PKHD1L1: variants seen among roughly 807,000 people sequenced by gnomAD.
PKHD1L1 encodes the protein PKHD1 like 1, also known as fibrocystin-L.
In PKHD1L1, 434 loss-of-function variants were observed where a neutral mutation model predicts 462.9. That is an observed-to-expected ratio of 0.94 (90% CI 0.87 to 1.02). PKHD1L1 has a LOEUF of 1.02. PKHD1L1 is among the 50% of genes least tolerant of loss of function. The probability of loss-of-function intolerance (pLI) is 0.00; values close to 1 mark genes in which losing one functional copy is unlikely to be tolerated. For missense variants in PKHD1L1, 5,202 were observed against 5,096.1 expected, an observed-to-expected ratio of 1.02 and a Z score of -0.63; for synonymous variants, 1,781 against 1,750.0, an observed-to-expected ratio of 1.02 and a Z score of -0.44.
intron 53 of PKHD1L1, 96 bp downstream of exon 53, chr8:109,477,492 G>A (rs1196381841): frequency 1.8e-5 from 21 of 1,166,404 alleles, no homozygotes; most frequent in Non-Finnish European, 2.3e-5. Flanking sequence ...CTTTACTCTT[G>A]CACAATGTCT....
chr8:109,478,371 C>T (rs950578806), intron 53 of PKHD1L1, among the ~76,000 whole-genome samples: 2 of 151,850 alleles, frequency 1.3e-5, no homozygotes, highest in African/African-American at 4.8e-5. Context: ...AAAGAGATGA[C>T]AAAACAAGCA....
chr8:109,525,179 C>A (rs567910412), intron 76 of PKHD1L1, among the ~76,000 whole-genome samples: 2 of 152,126 alleles, frequency 1.3e-5, no homozygotes, highest in Non-Finnish European at 2.9e-5. Context: ...CACAGCACCC[C>A]TCTTCTACAT....
At chr8:109,483,635 T>C (rs1818382845) in intron 57 of PKHD1L1, among the ~76,000 whole-genome samples, 1 of 150,472 alleles carries the variant, frequency 6.6e-6, no homozygotes, top group Non-Finnish European at 1.5e-5. Context: ...ATATTAGTCA[T>C]ATTTTATGCC....
chr8:109,433,422 G>T (rs1398126531), intron 28 of PKHD1L1, among the ~76,000 whole-genome samples: 2 of 152,084 alleles, frequency 1.3e-5, no homozygotes, highest in African/African-American at 4.8e-5. Flanking sequence ...TTTCATTGTT[G>T]TACGGTGTCT....
chr8:109,445,630 A>T lies in PKHD1L1; in HGVS notation c.5761A>T (p.Ile1921Phe). 1.2e-6 allele frequency: 2 copies of T among 1,606,940 alleles called. No individual in the cohort carries two copies. Among genetic ancestry groups the T allele is most frequent in the Non-Finnish European group, 1.7e-6 (2 of 1,174,968 alleles). The change falls in exon 38 of 78, where the codon ATT (isoleucine) becomes TTT (phenylalanine). Residue 1921 changes from isoleucine to phenylalanine, a missense_variant. Ile to Phe is a conservative substitution (Grantham distance 21, BLOSUM62 0). Transcript: ENST00000378402. ...ALEDTPFLRG[I>F]IPSRGPPGTE... ...GGAGGATACTCCATTTCTCAGAGGA[A>T]TTATCCCAAGCAGAGGTACTCCAAT...
intron 19 of PKHD1L1, 52 bp downstream of exon 19, chr8:109,410,030 T>A: frequency 1.0e-6 from 1 of 990,856 alleles, no homozygotes; most frequent in South Asian, 1.8e-5. Flanking sequence ...ATTTATATAA[T>A]GGTTTTAAAT....
intron 16 of PKHD1L1, among the ~76,000 whole-genome samples, chr8:109,405,340 T>C (rs1813480443): frequency 1.3e-5 from 2 of 152,176 alleles, no homozygotes; most frequent in Non-Finnish European, 2.9e-5. Flanking sequence ...TATACCATCA[T>C]TTTCTAATAA....
In PKHD1L1 at chr8:109,518,214, T is replaced by G. The variant is rs1224615924; in HGVS notation, c.11737T>G (p.Phe3913Val). The G allele has an allele frequency of 6.2e-7, 1 of 1,610,164 alleles. No homozygotes were observed. Among genetic ancestry groups the G allele is most frequent in the Middle Eastern group, 1.7e-4 (1 of 6,040 alleles). Residue 3913 changes from phenylalanine to valine, a missense_variant, in exon 73 of 78, where the codon TTT becomes GTT. Phe to Val is a conservative substitution (Grantham distance 50). Transcript: ENST00000378402. Reference sequence around the variant, plus strand: ...TTCCACTGTCCTTGGTGAAAACTACTTTGATGGAACCTACCAGATGCTTTA... The same window carrying G: ...TTCCACTGTCCTTGGTGAAAACTACGTTGATGGAACCTACCAGATGCTTTA... ...LDSTVLGENY[F>V]DGTYQMLYLL...
chr8:109,470,513 G>C (rs1817663663), intron 50 of PKHD1L1: 2 of 1,610,784 alleles, frequency 1.2e-6, no homozygotes, highest in Admixed American at 3.3e-5. Flanking sequence ...GGAAAAGAAA[G>C]GGAAAAGAAG....
intron 50 of PKHD1L1, chr8:109,470,607 A>C (rs1817667531): frequency 8.2e-6 from 13 of 1,579,486 alleles, no homozygotes; most frequent in Non-Finnish European, 1.0e-5. Context: ...TTGATAAATT[A>C]AATGACTTGA....
chr8:109,491,953 A>G lies in PKHD1L1; in HGVS notation c.10195A>G (p.Arg3399Gly), dbSNP rs888196191. ...LSVWPGTYQN[R>G]KDLSSTLWHA... is the part of the protein sequence containing the mutation. ...GGTTTGGCCAGGAACCTATCAGAAC[A>G]GAAAAGATTTAAGTTCAACTCTCTG... Residue 3399 changes from arginine to glycine, a missense_variant, in exon 62 of 78, where the codon AGA becomes GGA. By Grantham distance (125) the Arg-to-Gly change is moderately radical. Transcript: ENST00000378402. 1 of 1,591,100 alleles carries G rather than the reference A, an allele frequency of 6.3e-7. No homozygotes were observed. The highest frequency in any genetic ancestry group is 8.6e-7 in the Non-Finnish European group (1 of 1,165,928).
chr8:109,470,992 G>A (rs1817686664), intron 50 of PKHD1L1: 9 of 1,610,456 alleles, frequency 5.6e-6, no homozygotes, highest in Admixed American at 1.7e-5. Context: ...TAGGCATCCC[G>A]CAGTTTCACA....
intron 16 of PKHD1L1, among the ~76,000 whole-genome samples, chr8:109,405,637 T>G (rs1196226691): frequency 6.9e-6 from 1 of 144,696 alleles, no homozygotes; most frequent in Non-Finnish European, 1.5e-5. Context: ...AGCTGAACAA[T>G]GAGAACACAT....
At chr8:109,435,409 A>G in intron 29 of PKHD1L1, 55 bp downstream of exon 29, 1 of 1,563,150 alleles carries the variant, frequency 6.4e-7, no homozygotes, top group South Asian at 1.2e-5. Context: ...CATCAGTTCA[A>G]TGTGCTGTTT....
At chr8:109,469,379 T>G (rs1045631355) in intron 50 of PKHD1L1, among the ~76,000 whole-genome samples, 22 of 152,168 alleles carry the variant, frequency 1.4e-4, no homozygotes, top group Admixed American at 1.4e-3. Context: ...TGCCCCTTGG[T>G]TGAGAGATAC....
intron 50 of PKHD1L1, among the ~76,000 whole-genome samples, chr8:109,473,272 G>T (rs1433867614): frequency 6.6e-6 from 1 of 152,120 alleles, no homozygotes; most frequent in Non-Finnish European, 1.5e-5. Context: ...AGCCCTTTGG[G>T]GGGCAAAGGT....
intron 68 of PKHD1L1, among the ~76,000 whole-genome samples, chr8:109,506,727 G>T (rs531049823): frequency 1.3e-5 from 2 of 152,224 alleles, no homozygotes; most frequent in African/African-American, 2.4e-5. Context: ...GGAATAACTT[G>T]TATTAATAGC....
chr8:109,398,541 A>T lies in PKHD1L1; in HGVS notation c.1005A>T (p.Val335=), dbSNP rs1813092652. 1.3e-6 allele frequency: 2 copies of T among 1,542,658 alleles called. No individual in the cohort carries two copies. The highest frequency in any genetic ancestry group is 1.7e-4 in the Middle Eastern group (1 of 5,930). ...CCAAACCTCATATTCTCAAAACTGT[A>T]TATCCAGGTAAGTTACCATAAGGGA... ...TPPKPHILKT[V]YPGGRGLKLE... The change falls in exon 12 of 78, where the codon GTA becomes GTT. Residue 335 remains valine (V), a synonymous_variant. Coordinates refer to ENST00000378402, the MANE Select transcript of PKHD1L1 (RefSeq NM_177531.6).
chr8:109,415,626 A>T (rs1814109009), intron 21 of PKHD1L1, among the ~76,000 whole-genome samples: 1 of 151,960 alleles, frequency 6.6e-6, no homozygotes, highest in Non-Finnish European at 1.5e-5. Flanking sequence ...TTCCTGTGGA[A>T]CTGGAATGAT....
Sources: gnomAD v4.1 joint callset for allele counts (sites outside exome capture counted in the v4.1 genomes callset) on GRCh38, gnomAD v4.1.1 for gene constraint, MANE v1.5 for transcripts, NCBI Gene and HGNC (gene_info 2026-07-23, HGNC 2026-07-21) for gene names.